PCDH11X: variants seen among roughly 807,000 people sequenced by gnomAD.
The protein encoded by PCDH11X is protocadherin-11 X-linked.
A neutral mutation model predicts 53.3 loss-of-function variants in PCDH11X; 18 were observed. The observed-to-expected ratio is 0.34, with a 90% CI of 0.23 to 0.50. The LOEUF is 0.50. PCDH11X is among the 20% of genes least tolerant of loss of function. PCDH11X has a pLI of 0.98. For synonymous variants in PCDH11X, 279 were observed against 393.3 expected, an observed-to-expected ratio of 0.71 and a Z score of 3.44; for missense variants, 570 against 1,032.4, an observed-to-expected ratio of 0.55 and a Z score of 6.14.
intron 10 of PCDH11X, among the ~76,000 whole-genome samples, chrX:92,603,516 T>A (rs1200139552): frequency 1.8e-5 from 2 of 108,153 alleles, no homozygotes; most frequent in Non-Finnish European, 3.8e-5. Context: ...CACGGACACA[T>A]TTCAGTAAAA....
intron 6 of PCDH11X, among the ~76,000 whole-genome samples, chrX:92,120,438 G>A (rs891551688): frequency 8.9e-6 from 1 of 112,712 alleles, no homozygotes; most frequent in Non-Finnish European, 1.9e-5. Flanking sequence ...GATTACAGGC[G>A]TGCGCCACCG....
chrX:92,053,595 C>G (rs988673743), intron 6 of PCDH11X, among the ~76,000 whole-genome samples: 5 of 98,798 alleles, frequency 5.1e-5, no homozygotes, highest in Admixed American at 1.1e-4. Context: ...TTTTTTAAGA[C>G]AGTCTTGCTC....
At chrX:92,360,389 C>T (rs2363943) in intron 8 of PCDH11X, among the ~76,000 whole-genome samples, 9 of 111,223 alleles carry the variant, frequency 8.1e-5, no homozygotes, top group East Asian at 2.8e-4. Flanking sequence ...AACATTTTAA[C>T]GCGCAAAATA....
At chrX:92,152,630 A>T (rs2065454125) in intron 6 of PCDH11X, among the ~76,000 whole-genome samples, 2 of 112,078 alleles carry the variant, frequency 1.8e-5, no homozygotes, top group African/African-American at 6.5e-5. Context: ...AAATACTGAT[A>T]GAATAATCCT....
intron 6 of PCDH11X, among the ~76,000 whole-genome samples, chrX:91,993,942 T>A (rs2062367676): frequency 2.2e-5 from 2 of 92,754 alleles, no homozygotes; most frequent in Non-Finnish European, 4.3e-5. Flanking sequence ...TACAGCATTT[T>A]GCCAATCATT....
intron 6 of PCDH11X, among the ~76,000 whole-genome samples, chrX:91,943,664 TC>T (rs1027430822): frequency 1.0e-5 from 1 of 98,829 alleles, no homozygotes; most frequent in African/African-American, 3.7e-5. Context: ...CAGAATGCTT[TC>T]CCCCTGAATA....
rs912091615 is a variant in PCDH11X at position 92,435,500 on chromosome X, G to A, written c.3344-32799G>A. Among the ~76,000 whole-genome samples, 4 of 110,947 alleles carry A rather than the reference G, an allele frequency of 3.6e-5. No individual in the cohort carries two copies. The Admixed American group carries it at 3.9e-4, about 11-fold the overall frequency. On this transcript the variant is annotated intron_variant, in intron 9 of 10. Coordinates refer to ENST00000682573, the MANE Select transcript of PCDH11X (RefSeq NM_032968.5). ...GAAACATAATCATCAAAATTTCTGA[G>A]GTCAAAATGAAAGAAAGAATGGCAG...
chrX:92,476,033 G>A (rs184957112), intron 10 of PCDH11X, among the ~76,000 whole-genome samples: 137 of 111,614 alleles, frequency 1.2e-3, no homozygotes, highest in African/African-American at 4.2e-3. Flanking sequence ...ATTCCCATGG[G>A]TTGTGGGACG....
Position 92,335,816 on chromosome X carries a change from GTAGA to G in PCDH11X, c.3145-51908_3145-51905del, listed in dbSNP as rs777131725. Among the ~76,000 whole-genome samples, 746 of 112,119 alleles carry G rather than the reference GTAGA, an allele frequency of 6.7e-3. 8 individuals are homozygous for G. The highest frequency in any genetic ancestry group is 0.024 in the African/African-American group (727 of 30,923). On this transcript the variant is annotated intron_variant, in intron 8 of 10. Coordinates refer to ENST00000682573, the MANE Select transcript of PCDH11X (RefSeq NM_032968.5). ...CATATAAATAAATACATGTACGTGT[GTAGA>G]TAGATAGATATTGGGTGTGTGTGTG...
chrX:92,589,573 A>C (rs1924797705), intron 10 of PCDH11X, among the ~76,000 whole-genome samples: 1 of 111,604 alleles, frequency 9.0e-6, no homozygotes, highest in Admixed American at 9.6e-5. Flanking sequence ...GTAATCTCAA[A>C]CCGAAAAACA....
At chrX:92,615,132 G>A (rs1164957913) in intron 10 of PCDH11X, among the ~76,000 whole-genome samples, 1 of 111,619 alleles carries the variant, frequency 9.0e-6, no homozygotes, top group African/African-American at 3.3e-5. Context: ...GTGTTGTGAT[G>A]AAAGCCCCAC....
intron 10 of PCDH11X, among the ~76,000 whole-genome samples, chrX:92,506,636 G>GT (rs201535023): frequency 0.065 from 5,814 of 89,127 alleles, 202 homozygotes; most frequent in South Asian, 0.13. Flanking sequence ...CAGTTTGCTA[G>GT]TTTTTTTTTT....
intron 7 of PCDH11X, among the ~76,000 whole-genome samples, chrX:92,225,084 C>A: frequency 9.0e-6 from 1 of 111,182 alleles, no homozygotes; most frequent in Non-Finnish European, 1.9e-5. Context: ...CTGTTGTTAG[C>A]CTAAAGGGGT....
intron 6 of PCDH11X, among the ~76,000 whole-genome samples, chrX:92,085,950 C>T (rs752792952): frequency 1.8e-5 from 2 of 111,741 alleles, no homozygotes; most frequent in South Asian, 3.7e-4. Flanking sequence ...ATTTTGATCA[C>T]TTACTATGAA....
chrX:92,570,204 A>G (rs1313442047), intron 10 of PCDH11X, among the ~76,000 whole-genome samples: 2 of 111,217 alleles, frequency 1.8e-5, no homozygotes, highest in Non-Finnish European at 3.8e-5. Context: ...GATAGAGTTT[A>G]AGTTCTACCA....
At chrX:91,907,908 T>G (rs777697270) in intron 6 of PCDH11X, among the ~76,000 whole-genome samples, 1 of 111,826 alleles carries the variant, frequency 8.9e-6, no homozygotes, top group South Asian at 3.7e-4. Flanking sequence ...CCTGTGTTAG[T>G]TTGCTAAGAA....
chrX:92,364,014 C>T (rs1395689476), intron 8 of PCDH11X, among the ~76,000 whole-genome samples: 1 of 111,196 alleles, frequency 9.0e-6, no homozygotes, highest in Non-Finnish European at 1.9e-5. Context: ...ATAATTACTA[C>T]TCAGTCTTGG....
At chrX:91,920,434 A>G (rs1490977403) in intron 6 of PCDH11X, among the ~76,000 whole-genome samples, 5 of 107,942 alleles carry the variant, frequency 4.6e-5, no homozygotes, top group Non-Finnish European at 9.6e-5. Flanking sequence ...ACAATTGAAA[A>G]CACAAGGAAA....
intron 8 of PCDH11X, among the ~76,000 whole-genome samples, chrX:92,277,624 G>C (rs2068131647): frequency 9.2e-6 from 1 of 108,406 alleles, no homozygotes; most frequent in Non-Finnish European, 1.9e-5. Flanking sequence ...AGAGATAAGA[G>C]GTCGGGGCAT....
Sources: allele counts gnomAD v4.1 joint callset (sites outside exome capture counted in the v4.1 genomes callset), GRCh38; gene constraint gnomAD v4.1.1; transcripts MANE v1.5; gene names NCBI Gene and HGNC (gene_info 2026-07-23, HGNC 2026-07-21).